SPAG16: variants seen among roughly 807,000 people sequenced by gnomAD.
SPAG16 encodes the protein sperm associated antigen 16, also known as sperm-associated antigen 16 protein.
Under a neutral mutation model 80.4 loss-of-function variants are expected in SPAG16, and 86 were observed. That is an observed-to-expected ratio of 1.07 (90% CI 0.90 to 1.28). The LOEUF (loss-of-function observed/expected upper bound fraction) is 1.28, where lower values mean the gene tolerates loss of function less well. SPAG16 is among the 50% of genes most tolerant of loss of function. The probability of loss-of-function intolerance (pLI) is 0.00; values close to 1 mark genes in which losing one functional copy is unlikely to be tolerated. For missense variants in SPAG16, 870 were observed against 765.3 expected (o/e 1.14, Z -1.61); for synonymous variants, 294 against 265.9 (o/e 1.11, Z -1.03).
At chr2:213,653,018 A>G (rs1318344192) in intron 10 of SPAG16, among the ~76,000 whole-genome samples, 4 of 152,088 alleles carry the variant, frequency 2.6e-5, no homozygotes, top group South Asian at 2.1e-4. Context: ...TCTTTTGACA[A>G]CTTCTATGGT....
intron 14 of SPAG16, among the ~76,000 whole-genome samples, chr2:214,119,564 T>C (rs2054111217): frequency 6.6e-6 from 1 of 152,128 alleles, no homozygotes; most frequent in Non-Finnish European, 1.5e-5. Context: ...AGGATGGACA[T>C]TCCATAGGGC....
intron 10 of SPAG16, among the ~76,000 whole-genome samples, chr2:213,657,764 C>T (rs2063273496): frequency 6.6e-6 from 1 of 152,130 alleles, no homozygotes. Context: ...TTTACTGTTA[C>T]AACCTATTCT....
At chr2:214,224,303 A>G (rs1330637393) in intron 15 of SPAG16, among the ~76,000 whole-genome samples, 1 of 152,226 alleles carries the variant, frequency 6.6e-6, no homozygotes, top group Non-Finnish European at 1.5e-5. Flanking sequence ...TTTCACAAAC[A>G]ATGACTTGAT....
chr2:213,430,991 T>C (rs1256314923), intron 9 of SPAG16, among the ~76,000 whole-genome samples: 1 of 152,132 alleles, frequency 6.6e-6, no homozygotes, highest in African/African-American at 2.4e-5. Flanking sequence ...GCTTCATAAA[T>C]GAAAAAGAAA....
At chr2:214,089,641 A>G (rs1483267412) in intron 13 of SPAG16, among the ~76,000 whole-genome samples, 1 of 152,006 alleles carries the variant, frequency 6.6e-6, no homozygotes, top group East Asian at 1.9e-4. Flanking sequence ...ACTATATGTA[A>G]CAACATTTTT....
chr2:214,364,828 C>CT (rs1200016721), intron 15 of SPAG16, among the ~76,000 whole-genome samples: 2 of 151,910 alleles, frequency 1.3e-5, no homozygotes, highest in African/African-American at 2.4e-5. Flanking sequence ...AAATGCATTC[C>CT]TTTTTTTTCC....
chr2:213,694,209 G>T (rs1173650366), intron 10 of SPAG16, among the ~76,000 whole-genome samples: 1 of 152,162 alleles, frequency 6.6e-6, no homozygotes, highest in African/African-American at 2.4e-5. Context: ...AGAAGTAATT[G>T]TAAAATGTAT....
chr2:213,678,844 A>G (rs1045284676), intron 10 of SPAG16, among the ~76,000 whole-genome samples: 3 of 152,078 alleles, frequency 2.0e-5, no homozygotes, highest in Non-Finnish European at 4.4e-5. Flanking sequence ...GAACACAGAA[A>G]TGGGTGAGGA....
chr2:213,702,531 CCACAGCTTCATTCTTGAAGTTG>C (rs1170912171), intron 10 of SPAG16, among the ~76,000 whole-genome samples: 1 of 152,152 alleles, frequency 6.6e-6, no homozygotes, highest in Non-Finnish European at 1.5e-5. Context: ...CCGCGAGGGT[CCACAGCTTCATTCTTGAAGTTG>C]GCGAGACCAA....
chr2:213,388,973 AAAG>A (rs903235310), intron 9 of SPAG16, among the ~76,000 whole-genome samples: 1 of 152,192 alleles, frequency 6.6e-6, no homozygotes, highest in African/African-American at 2.4e-5. Context: ...CAATCTTGCA[AAAG>A]AAGAACAAAC....
chr2:214,184,940 T>A (rs997098471), intron 15 of SPAG16, among the ~76,000 whole-genome samples: 4 of 150,644 alleles, frequency 2.7e-5, no homozygotes, highest in Non-Finnish European at 4.4e-5. Flanking sequence ...TCTTTAAAAA[T>A]TTTTTTTTTG....
intron 10 of SPAG16, among the ~76,000 whole-genome samples, chr2:213,517,727 G>A (rs995098351): frequency 2.0e-5 from 3 of 152,156 alleles, no homozygotes; most frequent in African/African-American, 4.8e-5. Flanking sequence ...TCAATAAATA[G>A]TGCTGGGACA....
At chr2:213,712,773 A>C (rs2066057035) in intron 10 of SPAG16, among the ~76,000 whole-genome samples, 1 of 152,178 alleles carries the variant, frequency 6.6e-6, no homozygotes, top group Admixed American at 6.5e-5. Context: ...ATTATGGTTT[A>C]CTAAAATAAA....
At chr2:213,363,432 A>T (rs1402150448) in intron 7 of SPAG16, among the ~76,000 whole-genome samples, 1 of 152,084 alleles carries the variant, frequency 6.6e-6, no homozygotes, top group East Asian at 1.9e-4. Flanking sequence ...TGATAGTAGA[A>T]AAAAGTGTGT....
At chr2:213,716,322 T>G (rs2066237394) in intron 10 of SPAG16, among the ~76,000 whole-genome samples, 1 of 152,158 alleles carries the variant, frequency 6.6e-6, no homozygotes, top group Admixed American at 6.5e-5. Flanking sequence ...GTTAAACAGC[T>G]GATGTACAAA....
intron 10 of SPAG16, among the ~76,000 whole-genome samples, chr2:213,788,129 T>G (rs2070457384): frequency 6.6e-6 from 1 of 151,972 alleles, no homozygotes; most frequent in African/African-American, 2.4e-5. Context: ...GATCACTCAT[T>G]CTAAGAAATT....
rs540175377 is a variant in SPAG16 at position 214,031,259 on chromosome 2, T to TA, written c.1527+17188dup. 4.0e-5 allele frequency among the ~76,000 whole-genome samples: 6 copies of TA among 151,394 alleles called. No individual in the cohort carries two copies. In the East Asian group the frequency reaches 5.9e-4, roughly 15 times the overall value. Reference sequence around the variant, plus strand: ...TGCACCATGGAATACTATGCAGCCATAAAAAATGATGAGTTCATGTCCTTT... The same window carrying TA: ...TGCACCATGGAATACTATGCAGCCATAAAAAAATGATGAGTTCATGTCCTTT... On this transcript the variant is annotated intron_variant, in intron 13 of 15. Transcript: ENST00000331683.
intron 14 of SPAG16, among the ~76,000 whole-genome samples, chr2:214,130,405 G>T (rs528470945): frequency 1.3e-5 from 2 of 152,260 alleles, no homozygotes; most frequent in South Asian, 4.1e-4. Context: ...ACCTCAGTCA[G>T]CCATGAAGAC....
chr2:213,982,295 A>C (rs576217495), intron 12 of SPAG16, among the ~76,000 whole-genome samples: 20 of 152,182 alleles, frequency 1.3e-4, no homozygotes, highest in Non-Finnish European at 2.2e-4. Flanking sequence ...CAATTAAAAA[A>C]CTCACAAAAT....
Sources: allele counts gnomAD v4.1 joint callset (sites outside exome capture counted in the v4.1 genomes callset), GRCh38; gene constraint gnomAD v4.1.1; transcripts MANE v1.5; gene names NCBI Gene and HGNC (gene_info 2026-07-23, HGNC 2026-07-21).